The following PCDHGA7 variants were observed in gnomAD, a reference collection of about 807,000 sequenced individuals.
PCDHGA7 encodes protocadherin gamma-A7.
A neutral mutation model predicts 58.3 loss-of-function variants in PCDHGA7; 44 were observed. That is an observed-to-expected ratio of 0.75 (90% CI 0.59 to 0.97). The LOEUF (loss-of-function observed/expected upper bound fraction) is 0.97. Among genes scored for constraint, PCDHGA7 ranks in the 50% least tolerant of loss-of-function variants. The probability of loss-of-function intolerance (pLI) is 0.00; values close to 1 mark genes in which losing one functional copy is unlikely to be tolerated. For synonymous variants in PCDHGA7, 516 were observed against 504.2 expected (o/e 1.02, Z -0.31); for missense variants, 1,266 against 1,188.7 (o/e 1.06, Z -0.96).
chr5:141,433,361 ATCT>A, intron 1 of PCDHGA7: 2 of 297,578 alleles, frequency 6.7e-6, no homozygotes, highest in Non-Finnish European at 1.3e-5. Context: ...CTGTCTGCCT[ATCT>A]ATCTATCTAT....
intron 1 of PCDHGA7, 164 bp downstream of exon 1, chr5:141,385,487 A>T (rs1781222873): frequency 5.6e-6 from 8 of 1,416,434 alleles, no homozygotes; most frequent in Non-Finnish European, 6.4e-6. Context: ...TATAGAACAC[A>T]TAGGATATAG....
At position 141,483,010 on chromosome 5, in the gene PCDHGA7, G is replaced by A. The variant is rs574078222; in HGVS notation, c.2425-11797G>A. Among the ~76,000 whole-genome samples the A allele has an allele frequency of 1.3e-3, 204 of 152,122 alleles. 1 individual carries two copies. Among genetic ancestry groups the A allele is most frequent in the African/African-American group, 4.0e-3 (168 of 41,498 alleles). On this transcript the variant is annotated intron_variant, in intron 1 of 3. Coordinates refer to ENST00000518325, the MANE Select transcript of PCDHGA7 (RefSeq NM_018920.4). Reference sequence around the variant, plus strand: ...CGAGGCAGGAGAATTGCTTGAACCCGGGAGGCAGAGGTTGCAATGAGCTGG... The same window carrying A: ...CGAGGCAGGAGAATTGCTTGAACCCAGGAGGCAGAGGTTGCAATGAGCTGG...
chr5:141,438,623 TATATATATATATACAC>T (rs1207200307), intron 1 of PCDHGA7, among the ~76,000 whole-genome samples: 21 of 42,842 alleles, frequency 4.9e-4, no homozygotes, highest in South Asian at 2.6e-3. Flanking sequence ...TATATATATA[TATATATATATATACAC>T]ACACACACAC....
intron 1 of PCDHGA7, among the ~76,000 whole-genome samples, chr5:141,461,345 G>A (rs1277222105): frequency 1.3e-5 from 2 of 152,102 alleles, no homozygotes; most frequent in African/African-American, 4.8e-5. Context: ...CAGGACCAAG[G>A]TGGTAGCTCG....
Position 141,385,158 on chromosome 5 carries a change from T to C in PCDHGA7, c.2259T>C (p.Tyr753=). The C allele has an allele frequency of 1.2e-6, 2 of 1,614,212 alleles. No homozygotes were observed. The highest frequency in any genetic ancestry group is 2.7e-5 in the African/African-American group (2 of 75,060). ...MDGVQAFLQT[Y]SHEVSLTADS... is the part of the protein sequence containing the mutation. ...GGGTGCAGGCTTTCCTGCAGACCTATTCCCATGAGGTCTCCCTCACCGCGG... is the reference window on the plus strand; with the variant it reads ...GGGTGCAGGCTTTCCTGCAGACCTACTCCCATGAGGTCTCCCTCACCGCGG... Residue 753 remains tyrosine, a synonymous_variant, in exon 1 of 4, where the codon TAT becomes TAC. Transcript: ENST00000518325.
Position 141,447,179 on chromosome 5 carries a change from G to A in PCDHGA7, c.2425-47628G>A, listed in dbSNP as rs558348683. ...GTTTAAGCGGGGTCTTGCTCTTGTC[G>A]CGCAGGCTGGAGTGCAATGGCTTGA... On this transcript the variant is annotated intron_variant, in intron 1 of 3. Transcript: ENST00000518325. 4.6e-4 allele frequency among the ~76,000 whole-genome samples: 70 copies of A among 151,826 alleles called. 1 individual carries two copies. The highest frequency in any genetic ancestry group is 3.9e-4 in the East Asian group (2 of 5,158).
chr5:141,394,511 C>T, intron 1 of PCDHGA7: 1 of 1,614,218 alleles, frequency 6.2e-7, no homozygotes. Flanking sequence ...TGTACCCCGC[C>T]CTCCCCACAG....
chr5:141,428,392 T>A, intron 1 of PCDHGA7: 1 of 497,196 alleles, frequency 2.0e-6, no homozygotes, highest in Admixed American at 3.1e-5. Flanking sequence ...TTCCAGCCCC[T>A]CTGCCTGGGG....
intron 1 of PCDHGA7, among the ~76,000 whole-genome samples, chr5:141,386,313 A>G (rs2090530914): frequency 6.6e-6 from 1 of 152,156 alleles, no homozygotes; most frequent in Non-Finnish European, 1.5e-5. Context: ...TCAGTATATC[A>G]AGTGATTGTC....
chr5:141,498,971 G>GGGAA (rs201769957), intron 2 of PCDHGA7, among the ~76,000 whole-genome samples: 8,226 of 110,874 alleles, frequency 0.074, 335 homozygotes, highest in Middle Eastern at 0.11. Flanking sequence ...GAGGGAGGGA[G>GGGAA]GGAAGGAAGG....
At chr5:141,405,140 G>A in intron 1 of PCDHGA7, 1 of 1,614,072 alleles carries the variant, frequency 6.2e-7, no homozygotes, top group Non-Finnish European at 8.5e-7. Flanking sequence ...GGCTACCAGT[G>A]ATGGGTTGGC....
rs143138320 is a variant in PCDHGA7 at position 141,489,458 on chromosome 5, G to C, written c.2425-5349G>C. The stretch of plus-strand genomic sequence containing the variant: ...CAATTGGGCTCTGAGGAGAATGGGC[G>C]CTATTTTTCCCTGAGCTTGATGAGT... On this transcript the variant is annotated intron_variant, in intron 1 of 3. Coordinates refer to ENST00000518325, the MANE Select transcript of PCDHGA7 (RefSeq NM_018920.4). The surrounding 1 kb of genome is among the most constrained non-coding windows in gnomAD (Gnocchi z 4.5). 3.7e-6 allele frequency: 6 copies of C among 1,613,924 alleles called. No individual in the cohort carries two copies. The highest frequency in any genetic ancestry group is 5.1e-6 in the Non-Finnish European group (6 of 1,180,000).
chr5:141,399,469 T>G, intron 1 of PCDHGA7: 1 of 1,614,000 alleles, frequency 6.2e-7, no homozygotes. Flanking sequence ...CGCTCCGGTT[T>G]TCCACCAGGC....
At chr5:141,389,883 C>A in intron 1 of PCDHGA7, 1 of 1,614,084 alleles carries the variant, frequency 6.2e-7, no homozygotes. Context: ...CGACAGCTTG[C>A]AGGAGGTGCT....
At chr5:141,392,160 T>C (rs1426961496) in intron 1 of PCDHGA7, 1 of 152,220 alleles carries the variant, frequency 6.6e-6, no homozygotes, top group Non-Finnish European at 1.5e-5. Context: ...TAAAACAATT[T>C]CTGAGTCAGT....
At chr5:141,508,903 G>A (rs1410291297) in intron 3 of PCDHGA7, among the ~76,000 whole-genome samples, 1 of 152,086 alleles carries the variant, frequency 6.6e-6, no homozygotes, top group East Asian at 1.9e-4. Flanking sequence ...GGGCGGGGCG[G>A]TGGCGGATCT....
At chr5:141,415,884 A>C in intron 1 of PCDHGA7, 1 of 981,534 alleles carries the variant, frequency 1.0e-6, no homozygotes, top group Non-Finnish European at 1.4e-6. Context: ...TACAATATTG[A>C]CAATTCCTAA....
chr5:141,413,352 G>C lies in PCDHGA7; in HGVS notation c.2424+28029G>C, dbSNP rs896091511. ...ACATCTCCAAGGACTTGGGTCTGGC[G>C]CCCCGGGAGCTGGCGGAGCGCGGAG... On this transcript the variant is annotated intron_variant, in intron 1 of 3. Coordinates refer to ENST00000518325, the MANE Select transcript of PCDHGA7 (RefSeq NM_018920.4). 1.9e-6 allele frequency: 3 copies of C among 1,613,858 alleles called. No homozygotes were observed. In the African/African-American group the frequency reaches 4.0e-5, roughly 22 times the overall value.
In PCDHGA7 at chr5:141,431,028, T is replaced by C. The variant is rs367575636; in HGVS notation, c.2424+45705T>C. On this transcript the variant is annotated intron_variant, in intron 1 of 3. Transcript: ENST00000518325. This position sits in a 1 kb window ranked among gnomAD's most constrained non-coding sequence, Gnocchi z 4.8. ...GGCAGCTTGGTCACGGCGGGCAGGA[T>C]AGACCGGGAGGAGCTCTGTATGGGG... The C allele has an allele frequency of 6.2e-7, 1 of 1,613,986 alleles. No homozygotes were observed. Among genetic ancestry groups the C allele is most frequent in the Admixed American group, 1.7e-5 (1 of 60,022 alleles).
Sources: allele counts gnomAD v4.1 joint callset (sites outside exome capture counted in the v4.1 genomes callset), GRCh38; gene constraint gnomAD v4.1.1; non-coding constraint Gnocchi (gnomAD v3.1); transcripts MANE v1.5; gene names NCBI Gene and HGNC (gene_info 2026-07-23, HGNC 2026-07-21).